Variants in SMYD3 observed in about 807,000 individuals in gnomAD.
SMYD3 encodes the protein SET and MYND domain containing 3.
Under a neutral mutation model 57.7 loss-of-function variants are expected in SMYD3, and 36 were observed. The observed-to-expected ratio is 0.62, with a 90% CI of 0.48 to 0.82. The LOEUF is 0.82. Among genes scored for constraint, SMYD3 ranks in the 40% least tolerant of loss-of-function variants. The pLI, the probability that SMYD3 is intolerant of heterozygous loss-of-function variation, is 0.00. For synonymous variants in SMYD3, 211 were observed against 195.0 expected, an observed-to-expected ratio of 1.08 and a Z score of -0.68; for missense variants, 515 against 538.8, an observed-to-expected ratio of 0.96 and a Z score of 0.44.
chr1:246,496,427 C>T lies in SMYD3; in HGVS notation c.164+10627G>A, dbSNP rs143338605. On this transcript the variant is annotated intron_variant, in intron 1 of 11. Coordinates refer to ENST00000490107, the MANE Select transcript of SMYD3 (RefSeq NM_001167740.2). ...AAATCTGCCCAGTCTATCAATCTAT[C>T]TTATCCCCTTGTGGTTGCTCTTATT... Among the ~76,000 whole-genome samples the T allele has an allele frequency of 2.1e-3, 324 of 152,280 alleles. 2 individuals carry two copies. The highest frequency in any genetic ancestry group is 6.7e-3 in the African/African-American group (277 of 41,564).
At position 246,319,724 on chromosome 1, in the gene SMYD3, C is replaced by A. The variant is rs578046433; in HGVS notation, c.531+7477G>T. ...CTCTTCCCACAAATTAGCCCACCAA[C>A]AACAATGAAGTAACAGAGCACCAGT... is the stretch of plus-strand genomic sequence containing the variant. On this transcript the variant is annotated intron_variant, in intron 5 of 11. Transcript: ENST00000490107. 7.6e-4 allele frequency among the ~76,000 whole-genome samples: 116 copies of A among 152,218 alleles called. 1 individual carries two copies. Among genetic ancestry groups the A allele is most frequent in the African/African-American group, 2.7e-3 (111 of 41,542 alleles).
intron 5 of SMYD3, among the ~76,000 whole-genome samples, chr1:246,201,930 T>G (rs1277485447): frequency 2.7e-4 from 41 of 151,580 alleles, no homozygotes; most frequent in African/African-American, 9.9e-4. Context: ...GGAGAATCGC[T>G]TGCACCCGGG....
chr1:246,135,560 A>G (rs879005949), intron 5 of SMYD3, among the ~76,000 whole-genome samples: 1 of 152,112 alleles, frequency 6.6e-6, no homozygotes, highest in Non-Finnish European at 1.5e-5. Context: ...AATTTGCTTA[A>G]GATGCAGAGG....
intron 1 of SMYD3, among the ~76,000 whole-genome samples, chr1:246,359,502 A>G (rs1019099510): frequency 7.2e-5 from 11 of 152,164 alleles, no homozygotes; most frequent in African/African-American, 2.7e-4. Flanking sequence ...CCAGGGAAGG[A>G]GTTAACAAAA....
At chr1:246,315,000 A>AC (rs1448922939) in intron 5 of SMYD3, among the ~76,000 whole-genome samples, 1 of 152,182 alleles carries the variant, frequency 6.6e-6, no homozygotes, top group Non-Finnish European at 1.5e-5. Context: ...GCATCAACTA[A>AC]CAGAAAGGGC....
chr1:246,366,974 T>C lies in SMYD3; in HGVS notation c.165-11880A>G, dbSNP rs570131341. On this transcript the variant is annotated intron_variant, in intron 1 of 11. Coordinates refer to ENST00000490107, the MANE Select transcript of SMYD3 (RefSeq NM_001167740.2). ...AAAATCACCACATGTCATTTCAAAT[T>C]GAACAACAAAGCCGTATTTTTTGGG... Among the ~76,000 whole-genome samples, 102 of 151,188 alleles carry C rather than the reference T, an allele frequency of 6.7e-4. No individual in the cohort carries two copies. The Middle Eastern group carries it at 0.011, about 16-fold the overall frequency.
chr1:246,454,768 A>C (rs371258693), intron 1 of SMYD3, among the ~76,000 whole-genome samples: 43 of 152,356 alleles, frequency 2.8e-4, no homozygotes, highest in Admixed American at 1.1e-3. Context: ...ACACATAAAA[A>C]TACTCAAAGA....
intron 1 of SMYD3, among the ~76,000 whole-genome samples, chr1:246,415,425 A>G (rs57043010): frequency 0.53 from 81,318 of 152,016 alleles, 22,274 homozygotes; most frequent in South Asian, 0.68. Flanking sequence ...TAACTACTCC[A>G]TTATTTTTAA....
At chr1:245,857,863 T>TA (rs1247578026) in intron 10 of SMYD3, among the ~76,000 whole-genome samples, 15 of 152,210 alleles carry the variant, frequency 9.9e-5, no homozygotes, top group Admixed American at 2.6e-4. Context: ...TTCTGAGTTA[T>TA]AAAAACATCT....
At chr1:246,130,832 G>A (rs1353029448) in intron 5 of SMYD3, among the ~76,000 whole-genome samples, 1 of 152,022 alleles carries the variant, frequency 6.6e-6, no homozygotes, top group Non-Finnish European at 1.5e-5. Flanking sequence ...AAGAATTATC[G>A]TTCTAAATCG....
At chr1:245,758,191 T>G (rs2045690310) in intron 11 of SMYD3, among the ~76,000 whole-genome samples, 1 of 152,224 alleles carries the variant, frequency 6.6e-6, no homozygotes, top group Non-Finnish European at 1.5e-5. Flanking sequence ...TTTGAATTGT[T>G]CATTTTTAGC....
At chr1:245,880,598 C>A (rs1232002299) in intron 8 of SMYD3, among the ~76,000 whole-genome samples, 1 of 152,164 alleles carries the variant, frequency 6.6e-6, no homozygotes, top group Non-Finnish European at 1.5e-5. Context: ...AAAAACCAGT[C>A]CAATCCTTAT....
intron 5 of SMYD3, among the ~76,000 whole-genome samples, chr1:246,159,072 C>T (rs1353193255): frequency 6.6e-6 from 1 of 152,148 alleles, no homozygotes; most frequent in Non-Finnish European, 1.5e-5. Context: ...CCAAGGAAGG[C>T]ATCTTTGAGG....
At chr1:246,493,235 T>C (rs1182169214) in intron 1 of SMYD3, among the ~76,000 whole-genome samples, 2 of 149,778 alleles carry the variant, frequency 1.3e-5, no homozygotes, top group Non-Finnish European at 3.0e-5. Context: ...GGGGCTGAGG[T>C]AGGAGGATCA....
At chr1:245,849,758 T>C (rs2050864544) in intron 10 of SMYD3, among the ~76,000 whole-genome samples, 1 of 152,166 alleles carries the variant, frequency 6.6e-6, no homozygotes, top group African/African-American at 2.4e-5. Flanking sequence ...ACTCAAGCGA[T>C]CCTCTCACCT....
At chr1:246,476,453 T>C (rs1411555482) in intron 1 of SMYD3, among the ~76,000 whole-genome samples, 1 of 152,164 alleles carries the variant, frequency 6.6e-6, no homozygotes, top group African/African-American at 2.4e-5. Flanking sequence ...GGGCCTGAGA[T>C]TTTACATTTC....
chr1:246,116,754 A>G (rs2061348288), intron 5 of SMYD3, among the ~76,000 whole-genome samples: 1 of 152,236 alleles, frequency 6.6e-6, no homozygotes, highest in South Asian at 2.1e-4. Flanking sequence ...ATTTACAGAA[A>G]AATAGTATTG....
At chr1:245,924,166 T>C (rs537957348) in intron 7 of SMYD3, among the ~76,000 whole-genome samples, 46 of 152,304 alleles carry the variant, frequency 3.0e-4, no homozygotes, top group African/African-American at 8.9e-4. Flanking sequence ...TCCTCCCTGA[T>C]CCATGTTTTA....
intron 1 of SMYD3, 53 bp downstream of exon 1, chr1:246,507,001 C>CCCCCCCCCCCCCCCCCCCCCCCCA: frequency 8.6e-7 from 1 of 1,159,194 alleles, no homozygotes; most frequent in East Asian, 3.7e-5. Context: ...CCCCCCCTCC[C>CCCCCCCCCCCCCCCCCCCCCCCCA]CAGCACCCCA....
Sources: gnomAD v4.1 joint callset for allele counts (sites outside exome capture counted in the v4.1 genomes callset) on GRCh38, gnomAD v4.1.1 for gene constraint, MANE v1.5 for transcripts, NCBI Gene and HGNC (gene_info 2026-07-23, HGNC 2026-07-21) for gene names.